The following STX4 variants were observed in gnomAD, a reference collection of about 807,000 sequenced individuals.
STX4 encodes the protein syntaxin 4.
In STX4, 24 loss-of-function variants were observed where a neutral mutation model predicts 41.8. The ratio of observed to expected loss-of-function variants is 0.57; its 90% CI spans 0.42 to 0.81. The LOEUF (loss-of-function observed/expected upper bound fraction) is 0.81. Ranked by LOEUF, STX4 falls within the 30% of genes least tolerant of loss-of-function variation. The pLI is 0.00. For synonymous variants in STX4, 158 were observed against 156.4 expected (o/e 1.01, Z -0.08); for missense variants, 316 against 389.9 (o/e 0.81, Z 1.60).
At chr16:31,035,626 GA>G (rs1164350803) in intron 5 of STX4, 1 of 152,326 alleles carries the variant, frequency 6.6e-6, no homozygotes, top group East Asian at 1.9e-4. Context: ...GCTGCCCAGG[GA>G]AGGAGAGTGA....
intron 4 of STX4, 71 bp downstream of exon 4, chr16:31,034,607 T>C: frequency 6.9e-7 from 1 of 1,451,420 alleles, no homozygotes; most frequent in Non-Finnish European, 9.1e-7. Flanking sequence ...CTGGGGAGTG[T>C]GTGGCCCAGA....
At chr16:31,035,614 G>A (rs763609013) in intron 5 of STX4, 1 of 152,176 alleles carries the variant, frequency 6.6e-6, no homozygotes, top group African/African-American at 2.4e-5. Flanking sequence ...GTGGCTAACG[G>A]CGCTGCCCAG....
At chr16:31,033,551 G>A (rs1260343346), upstream of STX4, 23 of 1,547,838 alleles carry the variant, frequency 1.5e-5, no homozygotes, top group African/African-American at 2.7e-5. The surrounding 1 kb of genome is among the most constrained non-coding windows in gnomAD (Gnocchi z 5.5). Context: ...TATCACGGAG[G>A]GGCGGGGCTG....
Position 31,038,636 on chromosome 16 carries a change from G to A in STX4, c.691G>A (p.Val231Met). ...CATATTCACTTTTCTGGCTACCGAA[G>A]TGGAGATGCAGGTGGGTGCCCCGCG... is the stretch of plus-strand genomic sequence containing the variant. ...HDIFTFLATE[V>M]EMQGEMINRI... Residue 231 changes from valine to methionine, a missense_variant, in exon 8 of 11, where the codon GTG becomes ATG. By Grantham distance (21) the Val-to-Met change is conservative. Coordinates refer to ENST00000313843, the MANE Select transcript of STX4 (RefSeq NM_004604.5). The A allele has an allele frequency of 6.2e-7, 1 of 1,614,034 alleles. No homozygotes were observed. The highest frequency in any genetic ancestry group is 8.5e-7 in the Non-Finnish European group (1 of 1,180,016).
chr16:31,038,087 C>T, intron 6 of STX4, 27 bp from the exon 7 acceptor site: 1 of 1,614,204 alleles, frequency 6.2e-7, no homozygotes, highest in Non-Finnish European at 8.5e-7. Flanking sequence ...CCCAACCCAA[C>T]CCTGAGCCTG....
At position 31,034,448 on chromosome 16, in the gene STX4, C is replaced by T; in HGVS notation, c.233-14C>T. The T allele has an allele frequency of 1.9e-6, 3 of 1,599,466 alleles. No homozygotes were observed. Among genetic ancestry groups the T allele is most frequent in the Non-Finnish European group, 2.6e-6 (3 of 1,171,032 alleles). Reference sequence around the variant, plus strand: ...GGGGCTGCTGTTTGGGAGTCTTGGCCTTCTCTTATTCAGGCATGAAGCAGG... The same window carrying T: ...GGGGCTGCTGTTTGGGAGTCTTGGCTTTCTCTTATTCAGGCATGAAGCAGG... On this transcript the variant is annotated splice_polypyrimidine_tract_variant and intron_variant, in intron 3 of 10. Coordinates refer to ENST00000313843, the MANE Select transcript of STX4 (RefSeq NM_004604.5).
intron 5 of STX4, among the ~76,000 whole-genome samples, 157 bp downstream of exon 5, chr16:31,035,197 T>G (rs2056791134): frequency 6.6e-6 from 1 of 152,236 alleles, no homozygotes; most frequent in South Asian, 2.1e-4. Context: ...AAGAACTTGC[T>G]CAAGGTCAGG....
intron 5 of STX4, among the ~76,000 whole-genome samples, chr16:31,037,045 T>G (rs2056804332): frequency 7.6e-6 from 1 of 131,230 alleles, no homozygotes; most frequent in Admixed American, 8.7e-5. Flanking sequence ...GCCTGGGCAA[T>G]ATAGTGAGAC....
chr16:31,034,144 G>C (rs761106514), intron 2 of STX4, 30 bp downstream of exon 2: 1 of 1,608,270 alleles, frequency 6.2e-7, no homozygotes, highest in South Asian at 1.1e-5. Context: ...GCCTGGATTC[G>C]CGAGGGTGTA....
intron 7 of STX4, 103 bp downstream of exon 7, chr16:31,038,293 T>C: frequency 4.1e-6 from 6 of 1,471,088 alleles, no homozygotes; most frequent in Non-Finnish European, 5.6e-6. Flanking sequence ...TGCCTCAGCC[T>C]CCCGAGTAGC....
Position 31,035,037 on chromosome 16 carries a change from C to T in STX4, c.375C>T (p.Thr125=), listed in dbSNP as rs144246601. The T allele has an allele frequency of 1.3e-4, 216 of 1,602,600 alleles. No homozygotes were observed. Among genetic ancestry groups the T allele is most frequent in the Non-Finnish European group, 1.8e-4 (207 of 1,176,714 alleles). The change falls in exon 5 of 11, where the codon ACC becomes ACT. Residue 125 remains threonine (T), a synonymous_variant. Coordinates refer to ENST00000313843, the MANE Select transcript of STX4 (RefSeq NM_004604.5). Reference sequence around the variant, plus strand: ...CCGTCAACACAAGAATGAGAAAAACCCAGGTGGGTTTTTTTTCTCAGAAAT... The same window carrying T: ...CCGTCAACACAAGAATGAGAAAAACTCAGGTGGGTTTTTTTTCTCAGAAAT... The part of the protein sequence containing the change: ...YNSVNTRMRK[T]QHGVLSQQFV...
rs2056830291 is a variant in STX4, at chr16:31,039,787, T to C, written c.878T>C (p.Val293Ala). 1 of 1,614,084 alleles carries C rather than the reference T, an allele frequency of 6.2e-7. No homozygotes were observed. Among genetic ancestry groups the C allele is most frequent in the South Asian group, 1.1e-5 (1 of 91,092 alleles). ...TVVLLAVIIGVTVVG is the reference protein window; with the variant it reads ...TVVLLAVIIGATVVG ...GTCCTCCTAGCAGTCATCATTGGCG[T>C]CACAGTGGTTGGATAATGTCGCACA... Residue 293 changes from valine (V) to alanine (A), a missense_variant, in exon 10 of 11, where the codon GTC (valine) becomes GCC (alanine). By Grantham distance (64) the Val-to-Ala change is moderately conservative. Transcript: ENST00000313843. This position sits in a 1 kb window ranked among gnomAD's most constrained non-coding sequence, Gnocchi z 4.1.
intron 5 of STX4, 82 bp downstream of exon 5, chr16:31,035,122 C>A (rs998587867): frequency 1.8e-6 from 2 of 1,122,870 alleles, no homozygotes; most frequent in Non-Finnish European, 2.5e-6. Context: ...AAGGAAGGGC[C>A]TGCAGAGATC....
At position 31,038,277 on chromosome 16, in the gene STX4, T is replaced by A; in HGVS notation, c.564+87T>A. The A allele has an allele frequency of 9.2e-6, 14 of 1,523,494 alleles. No homozygotes were observed. In the South Asian group the frequency reaches 1.6e-4, roughly 18 times the overall value. 94.4% of individuals were successfully genotyped at this position (1,523,494 alleles called of 1,614,324 possible). ...TTCTCGACCTCCTGGGCTCAGGTGA[T>A]CCTCCTGCCTCAGCCTCCCGAGTAG... On this transcript the variant is annotated intron_variant, in intron 7 of 10. Transcript: ENST00000313843.
intron 5 of STX4, among the ~76,000 whole-genome samples, chr16:31,037,089 G>A (rs1357182298): frequency 6.8e-6 from 1 of 146,094 alleles, no homozygotes; most frequent in Non-Finnish European, 1.5e-5. Context: ...TTTGAGACAG[G>A]GTCTCACTCT....
In STX4 at chr16:31,034,210, C is replaced by T. The variant is rs1335783742; in HGVS notation, c.133-16C>T. 3.7e-6 allele frequency: 6 copies of T among 1,613,966 alleles called. No homozygotes were observed. Among genetic ancestry groups the T allele is most frequent in the Non-Finnish European group, 3.4e-6 (4 of 1,179,992 alleles). On this transcript the variant is annotated splice_polypyrimidine_tract_variant and intron_variant, in intron 2 of 10. Coordinates refer to ENST00000313843, the MANE Select transcript of STX4 (RefSeq NM_004604.5). ...TACCCCATATCTCTTTCAGCCCTCT[C>T]GGTCACCCTCCCCAGGTCCGGACAA... is the stretch of plus-strand genomic sequence containing the variant.
At chr16:31,037,058 C>CT (rs1029975660) in intron 5 of STX4, among the ~76,000 whole-genome samples, 1 of 143,902 alleles carries the variant, frequency 6.9e-6, no homozygotes, top group African/African-American at 2.5e-5. Flanking sequence ...AGTGAGACCC[C>CT]CCCCCCTTTT....
chr16:31,036,416 ACCTGTTTCG>A (rs2056799876), intron 5 of STX4, among the ~76,000 whole-genome samples: 1 of 152,064 alleles, frequency 6.6e-6, no homozygotes, highest in African/African-American at 2.4e-5. Flanking sequence ...GGCCTGTTGC[ACCTGTTTCG>A]CCCAGGCAAC....
intron 4 of STX4, chr16:31,034,741 C>A: frequency 2.9e-6 from 2 of 695,216 alleles, no homozygotes; most frequent in Non-Finnish European, 4.6e-6. Context: ...TACAATGAAA[C>A]CATTTACTTA....
Sources: gnomAD v4.1 joint callset for allele counts (sites outside exome capture counted in the v4.1 genomes callset) on GRCh38, gnomAD v4.1.1 for gene constraint, Gnocchi (gnomAD v3.1) non-coding constraint, MANE v1.5 for transcripts, NCBI Gene and HGNC (gene_info 2026-07-23, HGNC 2026-07-21) for gene names.